Variants in INTS11 observed in about 807,000 individuals in gnomAD.
The protein encoded by INTS11 is integrator complex subunit 11.
Under a neutral mutation model 78.6 loss-of-function variants are expected in INTS11, and 77 were observed. The observed-to-expected ratio is 0.98, with a 90% CI of 0.81 to 1.18. The LOEUF (loss-of-function observed/expected upper bound fraction) is 1.18, where lower values mean the gene tolerates loss of function less well. Ranked by LOEUF, INTS11 falls within the 50% of genes most tolerant of loss-of-function variation. The probability of loss-of-function intolerance (pLI) is 0.00; values close to 1 mark genes in which losing one functional copy is unlikely to be tolerated. For synonymous variants in INTS11, 441 were observed against 326.9 expected, an observed-to-expected ratio of 1.35 and a Z score of -3.77; for missense variants, 875 against 825.9, an observed-to-expected ratio of 1.06 and a Z score of -0.73.
chr1:1,314,930 A>G lies in INTS11; in HGVS notation c.596T>C (p.Leu199Pro), dbSNP rs1200970981. The G allele has an allele frequency of 6.2e-7, 1 of 1,612,958 alleles. No individual in the cohort carries two copies. Among genetic ancestry groups the G allele is most frequent in the Admixed American group, 1.7e-5 (1 of 60,010 alleles). Residue 199 changes from leucine to proline, a missense_variant, in exon 7 of 17, where the codon CTG (leucine) becomes CCG (proline). Coordinates refer to ENST00000435064, the MANE Select transcript of INTS11 (RefSeq NM_017871.6). The surrounding 1 kb of genome is among the most constrained non-coding windows in gnomAD (Gnocchi z 4.2). ...GGCGTACGTGGACTCTGTGATGAGC[A>G]GGTTGGGGCGGCACTTGTCAATCCA... ...AAWIDKCRPN[L>P]LITESTYATT... is the part of the protein sequence containing the mutation.
Position 1,312,213 on chromosome 1 carries a change from G to GGGGGGGGGGCCCCCCCCCCC in INTS11, c.1607+12_1607+13insGGGGGGGGGGGCCCCCCCCC. ...CCCAAGGGAGTGGGGGGGGGGCGGG[G>GGGGGGGGGGCCCCCCCCCCC]CCGGGCGCCCACCTCTTGAGGTGGC... On this transcript the variant is annotated intron_variant, in intron 15 of 16. Transcript: ENST00000435064. 2.1e-6 allele frequency: 2 copies of GGGGGGGGGGCCCCCCCCCCC among 934,584 alleles called. No homozygotes were observed. The highest frequency in any genetic ancestry group is 3.1e-6 in the Non-Finnish European group (2 of 636,638). 57.9% of individuals were successfully genotyped at this position (934,584 alleles called of 1,614,324 possible). A position where few individuals can be genotyped will look rare whatever the true frequency, so the allele number is the denominator to read the frequency against.
At position 1,312,848 on chromosome 1, in the gene INTS11, C is replaced by T. The variant is rs1642312488; in HGVS notation, c.1233G>A (p.Leu411=). 1 of 1,612,082 alleles carries T rather than the reference C, an allele frequency of 6.2e-7. No homozygotes were observed. The highest frequency in any genetic ancestry group is 8.5e-7 in the Non-Finnish European group (1 of 1,179,826). Residue 411 remains leucine (L), a synonymous_variant, in exon 12 of 17, where the codon CTG becomes CTA. Transcript: ENST00000435064. ...TCTTCTTGGCCTCGCCATGCACCAG[C>T]AGCACGCTCTCCGGCTCTGCCTGGC... The part of the protein sequence containing the change: ...LVGQAEPESV[L]LVHGEAKKME...
At chr1:1,319,831 A>G in intron 3 of INTS11, 1 of 377,068 alleles carries the variant, frequency 2.7e-6, no homozygotes, top group Non-Finnish European at 4.9e-6. Context: ...CAGTCAGGAC[A>G]GGCTGAGTGG....
At chr1:1,317,540 G>T in intron 4 of INTS11, 1 of 714,804 alleles carries the variant, frequency 1.4e-6, no homozygotes, top group Non-Finnish European at 1.7e-6. Context: ...GGAGTTTCAA[G>T]AGGTTGAACG....
chr1:1,313,575 T>C lies in INTS11; in HGVS notation c.975A>G (p.Pro325=). 1 of 1,612,950 alleles carries C rather than the reference T, an allele frequency of 6.2e-7. No homozygotes were observed. The highest frequency in any genetic ancestry group is 2.2e-5 in the East Asian group (1 of 44,884). ...NPGPMVVFAT[P]GMLHAGQSLQ... ...GGGACTGCCCAGCGTGCAGCATTCC[T>C]GGCGTGGCAAACACAACCTACAGGA... Residue 325 remains proline (P), a synonymous_variant, in exon 10 of 17, where the codon CCA becomes CCG. Coordinates refer to ENST00000435064, the MANE Select transcript of INTS11 (RefSeq NM_017871.6).
intron 3 of INTS11, chr1:1,320,102 G>A: frequency 3.8e-6 from 1 of 266,442 alleles, no homozygotes; most frequent in South Asian, 4.6e-5. Context: ...AGACCAGCGG[G>A]TCATGAGCTG....
intron 1 of INTS11, 101 bp downstream of exon 1, chr1:1,324,480 C>T (rs1569601880): frequency 7.9e-7 from 1 of 1,267,784 alleles, no homozygotes; most frequent in Non-Finnish European, 1.1e-6. Flanking sequence ...GCCCGCGGCG[C>T]GCACCTGGCT....
At chr1:1,319,004 C>G (rs1225730098) in intron 4 of INTS11, 3 of 717,418 alleles carry the variant, frequency 4.2e-6, no homozygotes, top group Admixed American at 4.0e-5. Flanking sequence ...AGGGCACCAG[C>G]CTGTCCCACT....
chr1:1,323,109 T>C (rs1460734170), intron 1 of INTS11: 2 of 1,527,734 alleles, frequency 1.3e-6, no homozygotes, highest in Non-Finnish European at 1.8e-6. Flanking sequence ...CCATGGGGTG[T>C]GCACAGGCCA....
Position 1,314,037 on chromosome 1 carries a change from G to A in INTS11, c.768-116C>T. ...GCACAGCCCACGCACGGGCCAGGTT[G>A]AGTCCAGTCGCGACCACTTGTCCCA... On this transcript the variant is annotated intron_variant, in intron 8 of 16. Coordinates refer to ENST00000435064, the MANE Select transcript of INTS11 (RefSeq NM_017871.6). This position sits in a 1 kb window ranked among gnomAD's most constrained non-coding sequence, Gnocchi z 4.2. The A allele has an allele frequency of 9.3e-7, 1 of 1,072,436 alleles. No homozygotes were observed. The highest frequency in any genetic ancestry group is 1.5e-5 in the South Asian group (1 of 67,798). 66.4% of individuals were successfully genotyped at this position (1,072,436 alleles called of 1,614,324 possible).
chr1:1,321,614 C>T (rs1259871488), intron 1 of INTS11, among the ~76,000 whole-genome samples: 1 of 152,226 alleles, frequency 6.6e-6, no homozygotes, highest in African/African-American at 2.4e-5. Context: ...TCAGCCATGC[C>T]ATAGCGAACA....
At chr1:1,323,274 C>T in intron 1 of INTS11, 1 of 1,550,188 alleles carries the variant, frequency 6.5e-7, no homozygotes, top group Non-Finnish European at 8.7e-7. Context: ...TCCAGGACAG[C>T]ACAGGGCAGG....
In INTS11 at chr1:1,311,933, G is replaced by A. The variant is rs1642189629; in HGVS notation, c.1738-9C>T. On this transcript the variant is annotated splice_polypyrimidine_tract_variant and intron_variant, in intron 16 of 16. Coordinates refer to ENST00000435064, the MANE Select transcript of INTS11 (RefSeq NM_017871.6). ...CTCCCCAGCTCCTCGTCCTAGGGCAGAGGCAAAAGCATTGTGGGTGGTGCA... is the reference window on the plus strand; with the variant it reads ...CTCCCCAGCTCCTCGTCCTAGGGCAAAGGCAAAAGCATTGTGGGTGGTGCA... 1 of 1,583,448 alleles carries A rather than the reference G, an allele frequency of 6.3e-7. No individual in the cohort carries two copies. Among genetic ancestry groups the A allele is most frequent in the Non-Finnish European group, 8.6e-7 (1 of 1,162,984 alleles).
intron 11 of INTS11, 28 bp downstream of exon 11, chr1:1,313,007 G>T: frequency 1.2e-6 from 2 of 1,611,570 alleles, no homozygotes; most frequent in Non-Finnish European, 1.7e-6. Flanking sequence ...CCTCGGCCCT[G>T]CCAGCCCAGT....
At position 1,313,512 on chromosome 1, in the gene INTS11, GTTCTT is replaced by G. The variant is rs1239368138; in HGVS notation, c.1033_1037del (p.Lys345HisfsTer126). Reference sequence around the variant, plus strand: ...CCACACCTCACCATGCCCTCACCATGTTCTTTTCGTTTCCGGCCCATTTCCGGAAG... The same window carrying G: ...CCACACCTCACCATGCCCTCACCATGTTCGTTTCCGGCCCATTTCCGGAAG... On this transcript the variant is annotated frameshift_variant, in exon 10 of 17. Coordinates refer to ENST00000435064, the MANE Select transcript of INTS11 (RefSeq NM_017871.6). LOFTEE classifies it high-confidence loss of function. 2.5e-6 allele frequency: 4 copies of G among 1,612,878 alleles called. No homozygotes were observed. The highest frequency in any genetic ancestry group is 3.4e-6 in the Non-Finnish European group (4 of 1,180,006).
intron 1 of INTS11, among the ~76,000 whole-genome samples, chr1:1,321,638 C>A (rs1201245345): frequency 6.6e-6 from 1 of 152,220 alleles, no homozygotes; most frequent in East Asian, 1.9e-4. Flanking sequence ...TGCCAGTGGT[C>A]CAGCAGTGGC....
At position 1,312,427 on chromosome 1, in the gene INTS11, T is replaced by TCCTGGC. The variant is rs1642266474; in HGVS notation, c.1464+7_1464+12dup. 1 of 1,565,906 alleles carries TCCTGGC rather than the reference T, an allele frequency of 6.4e-7. No individual in the cohort carries two copies. Among genetic ancestry groups the TCCTGGC allele is most frequent in the Non-Finnish European group, 8.7e-7 (1 of 1,155,710 alleles). ...GCGGCCCTCCCCCCTCCAGAGACCG[T>TCCTGGC]CCTGGCACTCACGCTGTCCTTCATG... On this transcript the variant is annotated intron_variant, in intron 14 of 16. Coordinates refer to ENST00000435064, the MANE Select transcript of INTS11 (RefSeq NM_017871.6).
chr1:1,313,836 A>C lies in INTS11; in HGVS notation c.853T>G (p.Trp285Gly), dbSNP rs764053756. 6.2e-7 allele frequency: 1 copy of C among 1,613,464 alleles called. No homozygotes were observed. The highest frequency in any genetic ancestry group is 1.1e-5 in the South Asian group (1 of 91,076). ...ANHYYKLFIP[W>G]TNQKIRKTFV... is the part of the protein sequence containing the mutation. ...GTCTTGCGGATCTTCTGGTTGGTCC[A>C]GGGGATGAACAGCTTGTAGTAGTGG... Residue 285 changes from tryptophan (W) to glycine (G), a missense_variant, in exon 9 of 17, where the codon TGG (tryptophan) becomes GGG (glycine). Trp to Gly is a radical substitution (Grantham distance 184, BLOSUM62 -2). Transcript: ENST00000435064.
rs1358634442 is a variant in INTS11 at position 1,312,280 on chromosome 1, TGCAGGTGCACGCG to T, written c.1540_1552del (p.Arg514MetfsTer21). On this transcript the variant is annotated frameshift_variant, in exon 15 of 17. Coordinates refer to ENST00000435064, the MANE Select transcript of INTS11 (RefSeq NM_017871.6). LOFTEE classifies it high-confidence loss of function. The stretch of plus-strand genomic sequence containing the variant: ...CGTCTCCTGCTCCTTGCGTGTGTCA[TGCAGGTGCACGCG>T]GCAGGTGAAGCGCAGCTGGTGCTCA... The T allele has an allele frequency of 3.9e-6, 6 of 1,549,808 alleles. No homozygotes were observed. Among genetic ancestry groups the T allele is most frequent in the Admixed American group, 2.0e-5 (1 of 50,992 alleles).
Sources: gnomAD v4.1 joint callset for allele counts (sites outside exome capture counted in the v4.1 genomes callset) on GRCh38, gnomAD v4.1.1 for gene constraint, Gnocchi (gnomAD v3.1) non-coding constraint, MANE v1.5 for transcripts, NCBI Gene and HGNC (gene_info 2026-07-23, HGNC 2026-07-21) for gene names.